Variants in EML6 observed in about 807,000 individuals in gnomAD.
EML6 encodes echinoderm microtubule-associated protein-like 6.
Under a neutral mutation model 240.1 loss-of-function variants are expected in EML6, and 154 were observed. The observed-to-expected ratio is 0.64, with a 90% CI of 0.56 to 0.73. The LOEUF is 0.73. Ranked by LOEUF, EML6 falls within the 30% of genes least tolerant of loss-of-function variation. The pLI, the probability that EML6 is intolerant of heterozygous loss-of-function variation, is 0.00. For synonymous variants in EML6, 1,148 were observed against 899.0 expected (o/e 1.28, Z -4.95); for missense variants, 2,964 against 2,474.6 (o/e 1.20, Z -4.20).
At chr2:54,811,500 T>G (rs1368525519) in intron 2 of EML6, among the ~76,000 whole-genome samples, 1 of 152,232 alleles carries the variant, frequency 6.6e-6, no homozygotes, top group African/African-American at 2.4e-5. Context: ...TCTGTGTTAC[T>G]GTGTATGTAT....
chr2:54,882,749 T>G (rs1380361327), intron 17 of EML6: 3 of 149,782 alleles, frequency 2.0e-5, no homozygotes, highest in African/African-American at 7.4e-5. Context: ...TCCCAGCTAC[T>G]TGGGAGGCTG....
chr2:54,869,195 A>C lies in EML6; in HGVS notation c.2066A>C (p.Asp689Ala), dbSNP rs1179973209. 3 of 1,550,718 alleles carry C rather than the reference A, an allele frequency of 1.9e-6. No individual in the cohort carries two copies. The highest frequency in any genetic ancestry group is 2.6e-6 in the Non-Finnish European group (3 of 1,146,272). The change falls in exon 15 of 42, where the codon GAC (aspartate) becomes GCC (alanine). Residue 689 changes from aspartate (D) to alanine (A), a missense_variant. Transcript: ENST00000356458. ...CTGTGCTTCAGTTATAGAGGCTACGACTGTAGAAACAATCTGTTCTACACA... is the reference window on the plus strand; with the variant it reads ...CTGTGCTTCAGTTATAGAGGCTACGCCTGTAGAAACAATCTGTTCTACACA... Reference protein sequence around the residue: ...LQFIHGYRGYDCRNNLFYTQA... With the variant: ...LQFIHGYRGYACRNNLFYTQA...
chr2:54,885,646 C>G (rs1408856199), intron 17 of EML6, among the ~76,000 whole-genome samples: 1 of 152,012 alleles, frequency 6.6e-6, no homozygotes, highest in African/African-American at 2.4e-5. Context: ...GAGTCTTGCT[C>G]TTTCTCCCAG....
intron 12 of EML6, among the ~76,000 whole-genome samples, chr2:54,863,163 C>CT (rs1286638239): frequency 2.6e-5 from 4 of 152,178 alleles, no homozygotes; most frequent in Non-Finnish European, 5.9e-5. Flanking sequence ...ATTACCAACA[C>CT]TTGGGTGGGC....
rs372011717 is a variant in EML6, at chr2:54,926,332, C to G, written c.3676-1981C>G. 1.6e-3 allele frequency among the ~76,000 whole-genome samples: 244 copies of G among 152,354 alleles called. 1 individual carries two copies. Among genetic ancestry groups the G allele is most frequent in the African/African-American group, 5.5e-3 (229 of 41,590 alleles). ...GGCCAGGCTGGTCTTGAACTCCTGA[C>G]CTCAAGTGATCTGCCCGCCTTGGCC... On this transcript the variant is annotated intron_variant, in intron 26 of 41. Coordinates refer to ENST00000356458, the MANE Select transcript of EML6 (RefSeq NM_001039753.4).
Position 54,892,446 on chromosome 2 carries a change from C to G in EML6, c.2540-8C>G. On this transcript the variant is annotated splice_polypyrimidine_tract_variant and splice_region_variant and intron_variant, in intron 18 of 41. Coordinates refer to ENST00000356458, the MANE Select transcript of EML6 (RefSeq NM_001039753.4). ...TATAAAGTAATAACTGTTCTTGGTC[C>G]ACTCTAGGTGGGGGCTTCACTTCTA... 6.5e-7 allele frequency: 1 copy of G among 1,546,116 alleles called. No homozygotes were observed. Among genetic ancestry groups the G allele is most frequent in the Admixed American group, 2.0e-5 (1 of 50,912 alleles).
At chr2:54,843,711 T>C (rs1050645725) in intron 7 of EML6, among the ~76,000 whole-genome samples, 1 of 151,650 alleles carries the variant, frequency 6.6e-6, no homozygotes, top group Admixed American at 6.6e-5. Flanking sequence ...GGTGTGGTGG[T>C]GGGCATCTGT....
chr2:54,919,779 G>T (rs1034018861), intron 26 of EML6, among the ~76,000 whole-genome samples: 8 of 152,162 alleles, frequency 5.3e-5, no homozygotes, highest in Non-Finnish European at 1.2e-4. Flanking sequence ...TGACAAGGTG[G>T]CTTATCTATA....
chr2:54,963,911 C>T (rs1264396837), intron 36 of EML6, 75 bp from the exon 37 acceptor site: 5 of 1,399,046 alleles, frequency 3.6e-6, no homozygotes, highest in Non-Finnish European at 4.8e-6. Flanking sequence ...ACTTCTCTGG[C>T]CTGGTGCAGA....
At chr2:54,928,795 C>A (rs147388636) in intron 28 of EML6, 44 bp downstream of exon 28, 1 of 1,550,358 alleles carries the variant, frequency 6.5e-7, no homozygotes, top group East Asian at 2.4e-5. Flanking sequence ...TACCTGATGA[C>A]AAGAAACTTG....
chr2:54,742,043 A>C (rs1031446952), intron 2 of EML6, among the ~76,000 whole-genome samples: 4 of 152,256 alleles, frequency 2.6e-5, no homozygotes, highest in African/African-American at 7.2e-5. Context: ...AATTCAAATT[A>C]ACATTCATAA....
intron 7 of EML6, among the ~76,000 whole-genome samples, chr2:54,835,510 G>T (rs1286534368): frequency 6.6e-6 from 1 of 152,174 alleles, no homozygotes; most frequent in Admixed American, 6.5e-5. Flanking sequence ...AACTACAGGA[G>T]GTCTTAGAGG....
chr2:54,796,623 C>T (rs1037031473), intron 2 of EML6, among the ~76,000 whole-genome samples: 1 of 151,654 alleles, frequency 6.6e-6, no homozygotes, highest in Non-Finnish European at 1.5e-5. Flanking sequence ...CATACACGAG[C>T]GCACACACAC....
At chr2:54,852,886 C>G (rs1670166877) in intron 10 of EML6, among the ~76,000 whole-genome samples, 2 of 152,184 alleles carry the variant, frequency 1.3e-5, no homozygotes, top group Admixed American at 6.5e-5. Flanking sequence ...ATGTTTGCTT[C>G]TTTGTGTGCT....
At chr2:54,955,750 G>A (rs924529679) in intron 32 of EML6, among the ~76,000 whole-genome samples, 4 of 152,190 alleles carry the variant, frequency 2.6e-5, no homozygotes, top group Non-Finnish European at 5.9e-5. Context: ...TTTTAAACAA[G>A]CTCCCGAGGA....
intron 14 of EML6, chr2:54,867,155 C>T (rs988229472): frequency 1.6e-5 from 4 of 249,266 alleles, no homozygotes; most frequent in Non-Finnish European, 2.3e-5. Context: ...GGTGCTGCTG[C>T]TCATTGCTGC....
chr2:54,852,757 C>T (rs1476511050), intron 10 of EML6, among the ~76,000 whole-genome samples: 1 of 152,132 alleles, frequency 6.6e-6, no homozygotes, highest in African/African-American at 2.4e-5. Context: ...GGCATTTATT[C>T]TCACCAGTTC....
At chr2:54,879,861 T>C in intron 17 of EML6, 1 of 541,330 alleles carries the variant, frequency 1.8e-6, no homozygotes, top group African/African-American at 1.9e-5. Context: ...CGAAATCCTC[T>C]GCAGAGAGTC....
At chr2:54,819,754 AC>A (rs1668244341) in intron 4 of EML6, among the ~76,000 whole-genome samples, 1 of 143,224 alleles carries the variant, frequency 7.0e-6, no homozygotes, top group South Asian at 2.3e-4. Flanking sequence ...CAGCCTGGTG[AC>A]GGAGCGAGAC....
Sources: gnomAD v4.1 joint callset for allele counts (sites outside exome capture counted in the v4.1 genomes callset) on GRCh38, gnomAD v4.1.1 for gene constraint, MANE v1.5 for transcripts, NCBI Gene and HGNC (gene_info 2026-07-23, HGNC 2026-07-21) for gene names.